The following KIF4A variants were observed in gnomAD, a reference collection of about 807,000 sequenced individuals.
The protein encoded by KIF4A is kinesin family member 4A, also known as chromosome-associated kinesin KIF4A.
KIF4A carries 7 observed loss-of-function variants against 105.9 expected under a neutral mutation model. That is an observed-to-expected ratio of 0.07 (90% CI 0.04 to 0.12). The LOEUF is 0.12. KIF4A is among the 10% of genes least tolerant of loss of function. The pLI, the probability that KIF4A is intolerant of heterozygous loss-of-function variation, is 1.00. For synonymous variants in KIF4A, 281 were observed against 331.3 expected (o/e 0.85, Z 1.65); for missense variants, 558 against 929.2 (o/e 0.60, Z 5.19).
intron 28 of KIF4A, among the ~76,000 whole-genome samples, chrX:70,408,866 G>C: frequency 8.9e-6 from 1 of 112,039 alleles, no homozygotes. Context: ...TGGTTTGTTT[G>C]TTGTGTTTTT....
chrX:70,399,235 G>A (rs2086271443), intron 22 of KIF4A, among the ~76,000 whole-genome samples: 1 of 111,766 alleles, frequency 8.9e-6, no homozygotes, highest in South Asian at 3.7e-4. Context: ...CTTTTTTCAT[G>A]GGACATCATT....
chrX:70,292,720 G>T (rs113372544), intron 3 of KIF4A, among the ~76,000 whole-genome samples: 14,467 of 111,325 alleles, frequency 0.13, 890 homozygotes, highest in Non-Finnish European at 0.18. Flanking sequence ...AGCCATTCCT[G>T]AAACAATATG....
Position 70,395,844 on chromosome X carries a change from A to G in KIF4A, c.2388+18A>G. 3 of 1,209,885 alleles carry G rather than the reference A, an allele frequency of 2.5e-6. No homozygotes were observed. Among genetic ancestry groups the G allele is most frequent in the Non-Finnish European group, 3.4e-6 (3 of 894,144 alleles). Reference sequence around the variant, plus strand: ...AACTCCGGGTAAGTACGCTTATGAAAAAATGTTGCCAATAATCAGACTCTA... The same window carrying G: ...AACTCCGGGTAAGTACGCTTATGAAGAAATGTTGCCAATAATCAGACTCTA... On this transcript the variant is annotated intron_variant, in intron 21 of 30. Coordinates refer to ENST00000374403, the MANE Select transcript of KIF4A (RefSeq NM_012310.5).
At chrX:70,302,586 A>G (rs1451031388) in intron 7 of KIF4A, among the ~76,000 whole-genome samples, 188 bp downstream of exon 7, 2 of 112,139 alleles carry the variant, frequency 1.8e-5, no homozygotes, top group Non-Finnish European at 1.9e-5. Context: ...TTCAGGTATG[A>G]GATTTGGATC....
At chrX:70,366,778 G>A (rs1002843407) in intron 15 of KIF4A, among the ~76,000 whole-genome samples, 1 of 111,613 alleles carries the variant, frequency 9.0e-6, no homozygotes, top group Non-Finnish European at 1.9e-5. Flanking sequence ...GCTTGGTGCA[G>A]AGCTGAGTTC....
chrX:70,319,249 C>T (rs992331860), intron 7 of KIF4A, among the ~76,000 whole-genome samples: 4 of 110,961 alleles, frequency 3.6e-5, no homozygotes, highest in Non-Finnish European at 7.6e-5. Context: ...GGCAACAGGG[C>T]GGGACTCCGT....
chrX:70,362,397 G>A, intron 15 of KIF4A: 1 of 203,913 alleles, frequency 4.9e-6, no homozygotes, highest in Admixed American at 5.1e-5. Context: ...AGTGCTGGGT[G>A]CCCCGCCCAT....
chrX:70,396,233 C>T, intron 22 of KIF4A, 184 bp downstream of exon 22: 1 of 373,715 alleles, frequency 2.7e-6, no homozygotes, highest in Non-Finnish European at 4.6e-6. Context: ...CCTTTGATGC[C>T]TTATGAGGTA....
At chrX:70,370,050 C>T (rs1158700560) in intron 15 of KIF4A, among the ~76,000 whole-genome samples, 3 of 111,193 alleles carry the variant, frequency 2.7e-5, no homozygotes, top group African/African-American at 9.8e-5. Context: ...ATATGATGTA[C>T]AGTCACATGA....
intron 3 of KIF4A, among the ~76,000 whole-genome samples, chrX:70,294,005 A>G (rs1212138461): frequency 3.5e-5 from 4 of 112,744 alleles, no homozygotes; most frequent in African/African-American, 1.3e-4. Context: ...AATTTTTTAA[A>G]TCTTTTTGAC....
At chrX:70,323,810 A>ATATTTATTTATTTATTTATT (rs34799069) in intron 7 of KIF4A, among the ~76,000 whole-genome samples, 2 of 94,610 alleles carry the variant, frequency 2.1e-5, no homozygotes, top group South Asian at 5.5e-4. Flanking sequence ...CTGGCATTTA[A>ATATTTATTTATTTATTTATT]TATTTATTTA....
At chrX:70,387,019 C>T (rs2086220275) in intron 19 of KIF4A, among the ~76,000 whole-genome samples, 165 bp from the exon 20 acceptor site, 1 of 112,175 alleles carries the variant, frequency 8.9e-6, no homozygotes. Context: ...CTCCCCTAGG[C>T]ACCAAAGCAG....
intron 7 of KIF4A, among the ~76,000 whole-genome samples, chrX:70,321,383 C>A (rs1387719299): frequency 1.8e-5 from 2 of 112,160 alleles, no homozygotes; most frequent in Non-Finnish European, 3.8e-5. Context: ...GTATTTTTTT[C>A]TCCTCTGAGA....
rs745580052 is a variant in KIF4A at position 70,397,196 on chromosome X, C to A, written c.2489+1147C>A. Among the ~76,000 whole-genome samples the A allele has an allele frequency of 3.6e-5, 4 of 110,390 alleles. No individual in the cohort carries two copies. In the East Asian group the frequency reaches 1.2e-3, roughly 32 times the overall value. ...CCATCCTGGCTAACACAGTGAAACCCCATCTCTACTAAAAATACAAAAAAT... is the reference window on the plus strand; with the variant it reads ...CCATCCTGGCTAACACAGTGAAACCACATCTCTACTAAAAATACAAAAAAT... On this transcript the variant is annotated intron_variant, in intron 22 of 30. Transcript: ENST00000374403.
In KIF4A at chrX:70,308,696, G is replaced by A. The variant is rs1418050017; in HGVS notation, c.778+6298G>A. ...ACGATCTCGGCTCACTGCAACCTCC[G>A]CCTCCTGGGTTCAAGTAATTCTCCT... On this transcript the variant is annotated intron_variant, in intron 7 of 30. Transcript: ENST00000374403. Among the ~76,000 whole-genome samples the A allele has an allele frequency of 8.9e-5, 10 of 111,804 alleles. No homozygotes were observed. The South Asian group carries it at 1.9e-3, about 21-fold the overall frequency.
intron 22 of KIF4A, among the ~76,000 whole-genome samples, chrX:70,398,106 T>C (rs151174892): frequency 0.057 from 6,395 of 111,979 alleles, 180 homozygotes; most frequent in Middle Eastern, 0.092. Context: ...GGCGCGATCT[T>C]GGCTCACTGC....
At chrX:70,331,536 T>TA (rs200469624) in intron 9 of KIF4A, among the ~76,000 whole-genome samples, 8 of 108,756 alleles carry the variant, frequency 7.4e-5, no homozygotes, top group Non-Finnish European at 1.2e-4. Context: ...ACTTTATTGC[T>TA]AAAAAAAAAT....
chrX:70,342,044 T>A (rs768071905), intron 11 of KIF4A, 113 bp downstream of exon 11: 68 of 987,368 alleles, frequency 6.9e-5, no homozygotes, highest in Non-Finnish European at 9.2e-5. Context: ...AGAAATGTAT[T>A]TGTATTACCA....
At chrX:70,395,621 A>G (rs368162011) in intron 20 of KIF4A, 50 bp from the exon 21 acceptor site, 1 of 1,190,759 alleles carries the variant, frequency 8.4e-7, no homozygotes, top group Non-Finnish European at 1.1e-6. Flanking sequence ...CTAGCCCATG[A>G]GCTAGTGATT....
Sources: gnomAD v4.1 joint callset for allele counts (sites outside exome capture counted in the v4.1 genomes callset) on GRCh38, gnomAD v4.1.1 for gene constraint, MANE v1.5 for transcripts, NCBI Gene and HGNC (gene_info 2026-07-23, HGNC 2026-07-21) for gene names.